The following RAPGEF4 variants were observed in gnomAD, a reference collection of about 807,000 sequenced individuals.
RAPGEF4 encodes Rap guanine nucleotide exchange factor 4, also known as RAP guanine-nucleotide-exchange factor (GEF) 4.
Under a neutral mutation model 147.9 loss-of-function variants are expected in RAPGEF4, and 66 were observed. The ratio of observed to expected loss-of-function variants is 0.45; its 90% CI spans 0.37 to 0.55. RAPGEF4 has a LOEUF of 0.55. Among genes scored for constraint, RAPGEF4 ranks in the 20% least tolerant of loss-of-function variants. RAPGEF4 has a pLI of 0.00. For missense variants in RAPGEF4, 1,071 were observed against 1,257.3 expected (o/e 0.85, Z 2.24); for synonymous variants, 419 against 442.7 (o/e 0.95, Z 0.67).
chr2:172,799,000 G>A (rs1027489699), intron 3 of RAPGEF4, among the ~76,000 whole-genome samples: 1 of 152,156 alleles, frequency 6.6e-6, no homozygotes, highest in Non-Finnish European at 1.5e-5. Context: ...CACAGGGCTG[G>A]CTTTCTCTTG....
intron 1 of RAPGEF4, among the ~76,000 whole-genome samples, chr2:172,748,042 T>C (rs1236589625): frequency 6.6e-6 from 1 of 152,222 alleles, no homozygotes; most frequent in Non-Finnish European, 1.5e-5. Context: ...TCATTGTGTA[T>C]ATATACACCA....
chr2:173,048,620 C>T lies in RAPGEF4; in HGVS notation c.2874C>T (p.Ala958=), dbSNP rs753839489. ...TTTAGCGCATGATTGCAAATACGGCCAGAACAGTGAGATACTACAGGAGCC... is the reference window on the plus strand; with the variant it reads ...TTTAGCGCATGATTGCAAATACGGCTAGAACAGTGAGATACTACAGGAGCC... ...FEKMRMIANT[A]RTVRYYRSQP... Residue 958 remains alanine (A), a synonymous_variant, in exon 30 of 31, where the codon GCC becomes GCT. Transcript: ENST00000397081. 1 of 1,614,024 alleles carries T rather than the reference C, an allele frequency of 6.2e-7. No homozygotes were observed. The highest frequency in any genetic ancestry group is 8.5e-7 in the Non-Finnish European group (1 of 1,180,002).
chr2:173,036,835 A>T (rs771964335), intron 29 of RAPGEF4, 143 bp downstream of exon 29: 2 of 552,896 alleles, frequency 3.6e-6, no homozygotes, highest in Non-Finnish European at 6.3e-6. Context: ...ATTTGGTTCA[A>T]ATTGGCTACC....
intron 4 of RAPGEF4, among the ~76,000 whole-genome samples, chr2:172,832,701 A>G (rs1184976302): frequency 1.3e-5 from 2 of 152,296 alleles, no homozygotes; most frequent in East Asian, 1.9e-4. Flanking sequence ...AACTGATTCA[A>G]CTGTTTTCAT....
chr2:172,902,160 A>T (rs548213642), intron 4 of RAPGEF4, among the ~76,000 whole-genome samples: 1 of 152,200 alleles, frequency 6.6e-6, no homozygotes, highest in Admixed American at 6.5e-5. Flanking sequence ...GCTGGAAAGG[A>T]ATGAATAGGG....
intron 10 of RAPGEF4, among the ~76,000 whole-genome samples, chr2:172,982,544 G>C (rs376902266): frequency 6.6e-6 from 1 of 152,250 alleles, no homozygotes; most frequent in African/African-American, 2.4e-5. Context: ...CTGACCAGTT[G>C]TATCTCCTAC....
chr2:173,051,683 G>T lies in RAPGEF4; in HGVS notation c.2952G>T (p.Arg984=). ...AQANKNHQDV[R]SYVRQLNVID... ...CTAATAAGAACCATCAGGATGTCCG[G>T]AGTTATGTACGGCAATTAAATGTGA... The change falls in exon 31 of 31, where the codon CGG becomes CGT. Residue 984 remains arginine (R), a synonymous_variant. Coordinates refer to ENST00000397081, the MANE Select transcript of RAPGEF4 (RefSeq NM_007023.4). 1 of 1,613,914 alleles carries T rather than the reference G, an allele frequency of 6.2e-7. No individual in the cohort carries two copies. Among genetic ancestry groups the T allele is most frequent in the South Asian group, 1.1e-5 (1 of 91,064 alleles).
intron 4 of RAPGEF4, among the ~76,000 whole-genome samples, chr2:172,906,682 T>C (rs1230181490): frequency 6.6e-6 from 1 of 152,156 alleles, no homozygotes; most frequent in Non-Finnish European, 1.5e-5. Context: ...TGGAGGCTCC[T>C]CCTTGGCAGT....
At chr2:173,051,546 C>T in intron 30 of RAPGEF4, 94 bp from the exon 31 acceptor site, 1 of 1,370,340 alleles carries the variant, frequency 7.3e-7, no homozygotes, top group South Asian at 1.5e-5. Context: ...ACCCAGGAAC[C>T]TATGATAAAT....
At chr2:173,045,826 A>G (rs1380521772) in intron 29 of RAPGEF4, among the ~76,000 whole-genome samples, 1 of 152,188 alleles carries the variant, frequency 6.6e-6, no homozygotes, top group Non-Finnish European at 1.5e-5. Flanking sequence ...GGCTGTAGAA[A>G]AAGCATTATG....
Position 172,840,879 on chromosome 2 carries a change from G to A in RAPGEF4, c.444+26454G>A, listed in dbSNP as rs578076560. 3.9e-5 allele frequency among the ~76,000 whole-genome samples: 6 copies of A among 152,258 alleles called. No individual in the cohort carries two copies. The South Asian group carries it at 1.2e-3, about 32-fold the overall frequency. On this transcript the variant is annotated intron_variant, in intron 4 of 30. Transcript: ENST00000397081. ...GAGAGCTTTCAACTGTTTCCCTAAG[G>A]CCACCATGCTGGGCATTGGCAGAGC...
chr2:172,887,160 G>A (rs1697323560), intron 4 of RAPGEF4, among the ~76,000 whole-genome samples: 1 of 149,076 alleles, frequency 6.7e-6, no homozygotes, highest in Non-Finnish European at 1.5e-5. Context: ...GCAGTCCGCA[G>A]TCCGGCCTGG....
At chr2:172,946,072 AG>A (rs1198639122) in intron 6 of RAPGEF4, among the ~76,000 whole-genome samples, 3 of 133,708 alleles carry the variant, frequency 2.2e-5, no homozygotes, top group African/African-American at 7.9e-5. Flanking sequence ...AAAAACTTAA[AG>A]GCACATTGAC....
chr2:172,915,356 A>G lies in RAPGEF4; in HGVS notation c.445-2446A>G, dbSNP rs191807803. Reference sequence around the variant, plus strand: ...GGTATTGTGGTTTTATTTTGGGAAAAAGGAGTCTTTATCTTTTAGAAATTC... The same window carrying G: ...GGTATTGTGGTTTTATTTTGGGAAAGAGGAGTCTTTATCTTTTAGAAATTC... On this transcript the variant is annotated intron_variant, in intron 4 of 30. Coordinates refer to ENST00000397081, the MANE Select transcript of RAPGEF4 (RefSeq NM_007023.4). Among the ~76,000 whole-genome samples, 3 of 152,230 alleles carry G rather than the reference A, an allele frequency of 2.0e-5. No homozygotes were observed. In the East Asian group the frequency reaches 5.8e-4, roughly 29 times the overall value.
At chr2:172,970,392 A>G (rs1470812127) in intron 10 of RAPGEF4, among the ~76,000 whole-genome samples, 1 of 152,198 alleles carries the variant, frequency 6.6e-6, no homozygotes, top group Non-Finnish European at 1.5e-5. Flanking sequence ...TCATTAAGAA[A>G]TGTGGAGGCA....
intron 4 of RAPGEF4, among the ~76,000 whole-genome samples, chr2:172,899,922 G>T (rs574290493): frequency 1.3e-5 from 2 of 152,204 alleles, no homozygotes; most frequent in Non-Finnish European, 2.9e-5. Context: ...GGCCAAGCAC[G>T]TGAGGTGGAT....
Position 172,961,111 on chromosome 2 carries a change from T to G in RAPGEF4, c.592-11T>G. On this transcript the variant is annotated splice_polypyrimidine_tract_variant and intron_variant, in intron 7 of 30. Transcript: ENST00000397081. The stretch of plus-strand genomic sequence containing the variant: ...TTTCTCCTCCCCTCCTTCCACCTGA[T>G]TACAATCCAGGTCCCTTCAGAGAAG... The G allele has an allele frequency of 1.3e-6, 2 of 1,567,610 alleles. No homozygotes were observed. The highest frequency in any genetic ancestry group is 1.8e-6 in the Non-Finnish European group (2 of 1,137,996).
chr2:172,842,040 G>A (rs954613224), intron 4 of RAPGEF4, among the ~76,000 whole-genome samples: 2 of 151,938 alleles, frequency 1.3e-5, no homozygotes, highest in African/African-American at 2.4e-5. Context: ...CATTTTACTC[G>A]GGAGGCTAGA....
intron 16 of RAPGEF4, among the ~76,000 whole-genome samples, 154 bp from the exon 17 acceptor site, chr2:173,001,112 C>T (rs1693874404): frequency 6.6e-6 from 1 of 152,134 alleles, no homozygotes; most frequent in Non-Finnish European, 1.5e-5. Context: ...CTGTCAACAC[C>T]ATTATTTATA....
Sources: gnomAD v4.1 joint callset for allele counts (sites outside exome capture counted in the v4.1 genomes callset) on GRCh38, gnomAD v4.1.1 for gene constraint, MANE v1.5 for transcripts, NCBI Gene and HGNC (gene_info 2026-07-23, HGNC 2026-07-21) for gene names.